PABPC4L: variants seen among roughly 807,000 people sequenced by gnomAD.
PABPC4L encodes poly(A) binding protein cytoplasmic 4 like.
For synonymous variants in PABPC4L, 169 were observed against 164.1 expected, an observed-to-expected ratio of 1.03 and a Z score of -0.23; for missense variants, 452 against 451.4, an observed-to-expected ratio of 1.00 and a Z score of -0.01.
the PABPC4L span, among the ~76,000 whole-genome samples, chr4:134,146,771 G>C: frequency 3.9e-5 from 6 of 152,042 alleles, no homozygotes; most frequent in Non-Finnish European, 8.8e-5. Context: ...TTGGTCCATG[G>C]GTGGTCTTGG....
the PABPC4L span, among the ~76,000 whole-genome samples, chr4:134,069,962 T>TC: frequency 6.6e-6 from 1 of 150,624 alleles, no homozygotes; most frequent in Non-Finnish European, 1.5e-5. Context: ...GTTCCTTTGG[T>TC]CCTTGAAGTT....
the PABPC4L span, among the ~76,000 whole-genome samples, chr4:134,173,176 A>AG: frequency 9.3e-5 from 14 of 150,986 alleles, no homozygotes; most frequent in South Asian, 2.1e-4. Flanking sequence ...AAAAAAAAAA[A>AG]AAAAGAAACT....
At chr4:134,095,768 T>C in the PABPC4L span, among the ~76,000 whole-genome samples, 1 of 151,988 alleles carries the variant, frequency 6.6e-6, no homozygotes, top group Non-Finnish European at 1.5e-5. Context: ...TTAGTACCTA[T>C]ACACATTCCT....
At chr4:134,020,172 C>T in the PABPC4L span, among the ~76,000 whole-genome samples, 2 of 151,960 alleles carry the variant, frequency 1.3e-5, no homozygotes, top group African/African-American at 4.8e-5. Flanking sequence ...GTCCGCAGTG[C>T]AAAGTAAAGG....
At chr4:134,112,815 C>A in the PABPC4L span, among the ~76,000 whole-genome samples, 9 of 151,858 alleles carry the variant, frequency 5.9e-5, no homozygotes, top group Admixed American at 5.9e-4. Context: ...TAGTATAAAT[C>A]ACACAAATAA....
chr4:134,021,926 G>A, the PABPC4L span, among the ~76,000 whole-genome samples: 1 of 151,972 alleles, frequency 6.6e-6, no homozygotes, highest in African/African-American at 2.4e-5. Flanking sequence ...TGTAAAATAA[G>A]CTAGACTTTC....
At chr4:134,135,129 C>A in the PABPC4L span, among the ~76,000 whole-genome samples, 3 of 152,048 alleles carry the variant, frequency 2.0e-5, no homozygotes, top group Admixed American at 2.0e-4. Flanking sequence ...TGATAAGACA[C>A]GCTAATTAAT....
the PABPC4L span, among the ~76,000 whole-genome samples, chr4:134,156,844 G>A: frequency 6.6e-6 from 1 of 151,964 alleles, no homozygotes; most frequent in Admixed American, 6.6e-5. Flanking sequence ...TCGTCTGAAA[G>A]TTCCATGAAG....
chr4:134,017,618 C>T, the PABPC4L span, among the ~76,000 whole-genome samples: 1 of 152,162 alleles, frequency 6.6e-6, no homozygotes, highest in African/African-American at 2.4e-5. Flanking sequence ...TCCTTAAGCA[C>T]TCTCTAATTA....
chr4:134,009,859 G>A, the PABPC4L span, among the ~76,000 whole-genome samples: 6 of 152,094 alleles, frequency 3.9e-5, no homozygotes, highest in Non-Finnish European at 8.8e-5. Flanking sequence ...TAATGTCAAA[G>A]AGGACAGTTC....
At chr4:134,096,231 G>A in the PABPC4L span, among the ~76,000 whole-genome samples, 1 of 151,866 alleles carries the variant, frequency 6.6e-6, no homozygotes, top group African/African-American at 2.4e-5. Context: ...TTTTTTCAAA[G>A]TAAGAAGATG....
chr4:134,069,664 A>G, the PABPC4L span, among the ~76,000 whole-genome samples: 1 of 152,158 alleles, frequency 6.6e-6, no homozygotes. Context: ...TTTCAACTCT[A>G]TCAAATCAGT....
chr4:134,037,272 C>T, the PABPC4L span, among the ~76,000 whole-genome samples: 8 of 151,996 alleles, frequency 5.3e-5, no homozygotes, highest in East Asian at 5.8e-4. Context: ...CCTTTACATC[C>T]GTGAGCATGG....
chr4:134,107,688 C>A, the PABPC4L span, among the ~76,000 whole-genome samples: 4 of 151,246 alleles, frequency 2.6e-5, no homozygotes, highest in African/African-American at 9.7e-5. Flanking sequence ...AATAATTTAC[C>A]CAAGATAGAT....
At chr4:134,028,741 G>A in the PABPC4L span, among the ~76,000 whole-genome samples, 1 of 152,096 alleles carries the variant, frequency 6.6e-6, no homozygotes, top group African/African-American at 2.4e-5. Flanking sequence ...CACTAAGGAA[G>A]TAATAATAAT....
chr4:133,972,013 C>A, the PABPC4L span, among the ~76,000 whole-genome samples: 1 of 152,108 alleles, frequency 6.6e-6, no homozygotes, highest in Non-Finnish European at 1.5e-5. Flanking sequence ...CAAATAATTT[C>A]TTCACTACCA....
At chr4:134,039,148 A>C in the PABPC4L span, among the ~76,000 whole-genome samples, 5 of 151,980 alleles carry the variant, frequency 3.3e-5, no homozygotes. Context: ...TGAGTTTCTT[A>C]ATTCTGAGTT....
chr4:133,990,767 G>T, the PABPC4L span, among the ~76,000 whole-genome samples: 1 of 152,178 alleles, frequency 6.6e-6, no homozygotes, highest in Non-Finnish European at 1.5e-5. Flanking sequence ...TGCAGCGAAT[G>T]ATCAAAGGTT....
chr4:134,017,236 T>C, the PABPC4L span, among the ~76,000 whole-genome samples: 428 of 152,220 alleles, frequency 2.8e-3, 3 homozygotes, highest in South Asian at 0.018. Context: ...ATCCACCAAC[T>C]TAAAAAGGAC....
Sources: gnomAD v4.1 joint callset for allele counts (sites outside exome capture counted in the v4.1 genomes callset) on GRCh38, gnomAD v4.1.1 for gene constraint, MANE v1.5 for transcripts, NCBI Gene and HGNC (gene_info 2026-07-23, HGNC 2026-07-21) for gene names.